The following CDKAL1 variants were observed in gnomAD, a reference collection of about 807,000 sequenced individuals.
The protein encoded by CDKAL1 is CDKAL1 threonylcarbamoyladenosine tRNA methylthiotransferase.
In CDKAL1, 32 loss-of-function variants were observed where a neutral mutation model predicts 68.2. That is an observed-to-expected ratio of 0.47 (90% CI 0.35 to 0.63). CDKAL1 has a LOEUF of 0.63. CDKAL1 is among the 30% of genes least tolerant of loss of function. The pLI, the probability that CDKAL1 is intolerant of heterozygous loss-of-function variation, is 0.00. For synonymous variants in CDKAL1, 234 were observed against 244.3 expected (o/e 0.96, Z 0.39); for missense variants, 606 against 696.7 (o/e 0.87, Z 1.47).
chr6:20,780,901 T>G (rs1775398018), intron 7 of CDKAL1, among the ~76,000 whole-genome samples: 1 of 152,124 alleles, frequency 6.6e-6, no homozygotes, highest in Non-Finnish European at 1.5e-5. Flanking sequence ...CTCAAACTCC[T>G]GACCTCAGGT....
chr6:20,917,985 C>G (rs1003839963), intron 9 of CDKAL1, among the ~76,000 whole-genome samples: 3 of 152,158 alleles, frequency 2.0e-5, no homozygotes, highest in African/African-American at 7.2e-5. Flanking sequence ...GTGGCACATG[C>G]CTGTGGTCCT....
chr6:20,642,935 C>T (rs1471695949), intron 4 of CDKAL1, among the ~76,000 whole-genome samples: 1 of 108,784 alleles, frequency 9.2e-6, no homozygotes, highest in Non-Finnish European at 2.1e-5. Context: ...ACAACAACAA[C>T]AACAACAACA....
chr6:20,614,814 A>G lies in CDKAL1; in HGVS notation c.287-34479A>G, dbSNP rs1462119519. 2.0e-5 allele frequency among the ~76,000 whole-genome samples: 3 copies of G among 152,014 alleles called. No homozygotes were observed. In the East Asian group the frequency reaches 5.8e-4, roughly 29 times the overall value. ...TTTATTATACTTTAAGTTTTAGGGT[A>G]CATGTGCACATTGTGCAGGTTAGTT... On this transcript the variant is annotated intron_variant, in intron 4 of 15. Coordinates refer to ENST00000274695, the MANE Select transcript of CDKAL1 (RefSeq NM_017774.3).
intron 12 of CDKAL1, among the ~76,000 whole-genome samples, chr6:21,102,203 T>G (rs1773610179): frequency 6.6e-6 from 1 of 152,194 alleles, no homozygotes; most frequent in Non-Finnish European, 1.5e-5. Context: ...AAAAGCATAA[T>G]CTATCTGTGG....
chr6:21,188,207 CTT>C (rs1396806942), intron 13 of CDKAL1, among the ~76,000 whole-genome samples: 1 of 152,040 alleles, frequency 6.6e-6, no homozygotes, highest in African/African-American at 2.4e-5. Context: ...TTATGACAAT[CTT>C]AATATACTTT....
At chr6:20,922,700 G>A (rs762623643) in intron 9 of CDKAL1, among the ~76,000 whole-genome samples, 17 of 152,250 alleles carry the variant, frequency 1.1e-4, no homozygotes, top group African/African-American at 3.1e-4. Context: ...ACTTAGAACC[G>A]GGATGAGAAC....
At chr6:20,798,594 T>C (rs1776214065) in intron 8 of CDKAL1, among the ~76,000 whole-genome samples, 1 of 152,070 alleles carries the variant, frequency 6.6e-6, no homozygotes, top group South Asian at 2.1e-4. Context: ...TAAAAAATGA[T>C]GAGTTCACAT....
intron 9 of CDKAL1, among the ~76,000 whole-genome samples, chr6:20,877,883 C>A (rs1199958951): frequency 6.6e-6 from 1 of 152,126 alleles, no homozygotes; most frequent in African/African-American, 2.4e-5. Context: ...CTATTTCTAG[C>A]CTTAGCCCTA....
chr6:20,819,464 A>C (rs184021148), intron 8 of CDKAL1, among the ~76,000 whole-genome samples: 202 of 152,248 alleles, frequency 1.3e-3, no homozygotes, highest in Admixed American at 0.01. Context: ...TTATTGGCAA[A>C]ATGTGTTTTT....
intron 11 of CDKAL1, among the ~76,000 whole-genome samples, chr6:21,049,590 T>C (rs754654282): frequency 4.6e-5 from 7 of 152,216 alleles, no homozygotes; most frequent in Non-Finnish European, 1.0e-4. Flanking sequence ...TTTGGTCTTA[T>C]GTAAGGCTTT....
At chr6:21,036,405 A>G (rs1019812808) in intron 11 of CDKAL1, among the ~76,000 whole-genome samples, 3 of 152,160 alleles carry the variant, frequency 2.0e-5, no homozygotes, top group Admixed American at 1.3e-4. Context: ...CCATCAAAGT[A>G]TGGTGTGGCA....
At chr6:20,730,497 A>C (rs1354981841) in intron 5 of CDKAL1, among the ~76,000 whole-genome samples, 1 of 111,204 alleles carries the variant, frequency 9.0e-6, no homozygotes, top group African/African-American at 3.0e-5. Context: ...GAAAAAGAAA[A>C]GAAAGAAAGA....
chr6:20,816,560 T>C (rs919974861), intron 8 of CDKAL1, among the ~76,000 whole-genome samples: 1 of 152,182 alleles, frequency 6.6e-6, no homozygotes, highest in Non-Finnish European at 1.5e-5. Context: ...TTTTAGAAAA[T>C]GAGAATGCTC....
intron 13 of CDKAL1, among the ~76,000 whole-genome samples, chr6:21,140,388 A>G (rs1174180629): frequency 6.6e-6 from 1 of 152,230 alleles, no homozygotes; most frequent in Non-Finnish European, 1.5e-5. Context: ...GGAGCCAGAC[A>G]TGGTTTTCTT....
At chr6:20,746,156 A>G (rs1773656628) in intron 6 of CDKAL1, among the ~76,000 whole-genome samples, 1 of 152,108 alleles carries the variant, frequency 6.6e-6, no homozygotes, top group Non-Finnish European at 1.5e-5. Context: ...ACCAATCCTC[A>G]TTTTACTGGC....
At chr6:20,735,117 G>A (rs530939070) in intron 5 of CDKAL1, among the ~76,000 whole-genome samples, 2 of 152,030 alleles carry the variant, frequency 1.3e-5, no homozygotes, top group African/African-American at 2.4e-5. Context: ...CAACCCACCC[G>A]CCTTGGCCTC....
At chr6:20,606,567 A>C (rs1442433783) in intron 4 of CDKAL1, among the ~76,000 whole-genome samples, 1 of 152,230 alleles carries the variant, frequency 6.6e-6, no homozygotes, top group African/African-American at 2.4e-5. Context: ...AAAGTGAAGA[A>C]TCAAAAGAGT....
At chr6:20,754,332 C>T (rs545136991) in intron 6 of CDKAL1, among the ~76,000 whole-genome samples, 2 of 152,202 alleles carry the variant, frequency 1.3e-5, no homozygotes, top group Admixed American at 1.3e-4. Flanking sequence ...AGTAGTATCT[C>T]ATTGTGTTTT....
In CDKAL1 at chr6:20,932,882, A is replaced by G. The variant is rs185087306; in HGVS notation, c.743-22537A>G. On this transcript the variant is annotated intron_variant, in intron 9 of 15. Coordinates refer to ENST00000274695, the MANE Select transcript of CDKAL1 (RefSeq NM_017774.3). Reference sequence around the variant, plus strand: ...TATTAGCTTTTATTATATGTTTGCTATGGAGCCAAGGACCTGTACTAGATG... The same window carrying G: ...TATTAGCTTTTATTATATGTTTGCTGTGGAGCCAAGGACCTGTACTAGATG... Among the ~76,000 whole-genome samples, 196 of 152,304 alleles carry G rather than the reference A, an allele frequency of 1.3e-3. 1 individual carries two copies. The Middle Eastern group carries it at 0.014, about 11-fold the overall frequency.
Sources: gnomAD v4.1 joint callset for allele counts (sites outside exome capture counted in the v4.1 genomes callset) on GRCh38, gnomAD v4.1.1 for gene constraint, MANE v1.5 for transcripts, NCBI Gene and HGNC (gene_info 2026-07-23, HGNC 2026-07-21) for gene names.